Variants in CRB1 observed in about 807,000 individuals in gnomAD.
CRB1 encodes the protein protein crumbs homolog 1.
CRB1 carries 83 observed loss-of-function variants against 120.0 expected under a neutral mutation model. The observed-to-expected ratio is 0.69, with a 90% CI of 0.58 to 0.83. The LOEUF is 0.83. CRB1 is among the 40% of genes least tolerant of loss of function. The pLI is 0.00. For synonymous variants in CRB1, 625 were observed against 612.5 expected, an observed-to-expected ratio of 1.02 and a Z score of -0.30; for missense variants, 1,699 against 1,687.6, an observed-to-expected ratio of 1.01 and a Z score of -0.12.
At chr1:197,344,157 A>G (rs780446483) in intron 2 of CRB1, 124 bp from the exon 3 acceptor site, 22 of 973,710 alleles carry the variant, frequency 2.3e-5, no homozygotes, top group Non-Finnish European at 3.3e-5. Context: ...ATTAAGGGGG[A>G]AAGTTATTTT....
At chr1:197,266,490 G>A (rs544730531), upstream of CRB1, among the ~76,000 whole-genome samples, 23 of 152,240 alleles carry the variant, frequency 1.5e-4, no homozygotes, top group Middle Eastern at 3.4e-3. Context: ...AATTTGGGAA[G>A]GGGGGAAAAC....
At chr1:197,221,542 G>A in the CRB1 span, among the ~76,000 whole-genome samples, 1 of 152,082 alleles carries the variant, frequency 6.6e-6, no homozygotes, top group Non-Finnish European at 1.5e-5. Flanking sequence ...TTTTTACACT[G>A]ACAAAAAGCA....
Position 197,308,117 on chromosome 1 carries a change from A to G in CRB1, c.71-20305A>G, listed in dbSNP as rs554673762. 3.3e-5 allele frequency among the ~76,000 whole-genome samples: 5 copies of G among 152,340 alleles called. No individual in the cohort carries two copies. The South Asian group carries it at 1.0e-3, about 32-fold the overall frequency. ...AATACTACACAGCCATTAAAAATGA[A>G]ATCACGTTATTTGCAGCAACATGGA... On this transcript the variant is annotated intron_variant, in intron 1 of 11. Coordinates refer to ENST00000367400, the MANE Select transcript of CRB1 (RefSeq NM_201253.3).
chr1:197,363,827 A>G (rs968950085), intron 5 of CRB1: 27 of 807,450 alleles, frequency 3.3e-5, no homozygotes, highest in Non-Finnish European at 5.1e-5. Flanking sequence ...ATGGCAAAAC[A>G]TCTGAAGTTC....
intron 11 of CRB1, among the ~76,000 whole-genome samples, chr1:197,458,459 C>A (rs879874229): frequency 6.6e-6 from 1 of 152,032 alleles, no homozygotes; most frequent in Non-Finnish European, 1.5e-5. Context: ...TTTATGCTGT[C>A]CACTCCCACC....
At chr1:197,463,699 G>A (rs1666629710) in intron 11 of CRB1, among the ~76,000 whole-genome samples, 1 of 152,114 alleles carries the variant, frequency 6.6e-6, no homozygotes, top group African/African-American at 2.4e-5. Context: ...ATTAGATTGT[G>A]GTGAAAATTA....
intron 7 of CRB1, chr1:197,428,914 A>G: frequency 6.7e-7 from 1 of 1,493,706 alleles, no homozygotes; most frequent in Non-Finnish European, 8.9e-7. Flanking sequence ...TTTCATTTTG[A>G]ATACTTTTTG....
chr1:197,331,070 T>G (rs1271745156), intron 2 of CRB1, among the ~76,000 whole-genome samples: 1 of 151,710 alleles, frequency 6.6e-6, no homozygotes, highest in African/African-American at 2.4e-5. Flanking sequence ...TAGTCGCAGC[T>G]ACTCATGAAC....
intron 1 of CRB1, among the ~76,000 whole-genome samples, chr1:197,321,930 G>T (rs1303164113): frequency 6.6e-6 from 1 of 152,114 alleles, no homozygotes; most frequent in Non-Finnish European, 1.5e-5. Flanking sequence ...ACTATAAGAA[G>T]AATGTCATAA....
chr1:197,243,573 G>T, the CRB1 span, among the ~76,000 whole-genome samples: 3 of 152,252 alleles, frequency 2.0e-5, no homozygotes, highest in Admixed American at 2.0e-4. Flanking sequence ...TGCATTTGCT[G>T]AGGAGTGTTT....
chr1:197,313,396 A>C (rs1657663387), intron 1 of CRB1, among the ~76,000 whole-genome samples: 1 of 152,224 alleles, frequency 6.6e-6, no homozygotes, highest in African/African-American at 2.4e-5. Flanking sequence ...GTAATGATCA[A>C]ATTAGGCCAA....
At position 197,473,661 on chromosome 1, in the gene CRB1, G is replaced by C. The variant is rs533901016; in HGVS notation, c.4006-4003G>C. Among the ~76,000 whole-genome samples, 360 of 151,870 alleles carry C rather than the reference G, an allele frequency of 2.4e-3. 7 individuals are homozygous for C. Among genetic ancestry groups the C allele is most frequent in the Non-Finnish European group, 5.4e-4 (37 of 67,984 alleles). On this transcript the variant is annotated intron_variant, in intron 11 of 11. Coordinates refer to ENST00000367400, the MANE Select transcript of CRB1 (RefSeq NM_201253.3). Reference sequence around the variant, plus strand: ...CTACATTATATTTATAATTAATTTGGGGTATGTCTTTTCAGGAAAAGGTTA... The same window carrying C: ...CTACATTATATTTATAATTAATTTGCGGTATGTCTTTTCAGGAAAAGGTTA...
At chr1:197,390,335 G>C (rs1004511371) in intron 5 of CRB1, among the ~76,000 whole-genome samples, 5 of 151,980 alleles carry the variant, frequency 3.3e-5, no homozygotes, top group African/African-American at 1.2e-4. Context: ...GCTCAGAGGA[G>C]GTAAATGGAT....
chr1:197,428,046 TTTTAC>T (rs1402104886), intron 7 of CRB1, 45 bp downstream of exon 7: 3 of 1,537,004 alleles, frequency 2.0e-6, no homozygotes, highest in Non-Finnish European at 2.7e-6. Context: ...TATGCTAAAC[TTTTAC>T]TTTATTAAAA....
chr1:197,414,765 T>G (rs1321590847), intron 5 of CRB1, among the ~76,000 whole-genome samples: 1 of 152,214 alleles, frequency 6.6e-6, no homozygotes, highest in African/African-American at 2.4e-5. Context: ...GATCTTGTTC[T>G]TTGCCCAGCT....
rs780630072 is a variant in CRB1 at position 197,328,882 on chromosome 1, A to T, written c.531A>T (p.Gly177=). 6.2e-7 allele frequency: 1 copy of T among 1,614,226 alleles called. No homozygotes were observed. Residue 177 remains glycine, a synonymous_variant, in exon 2 of 12, where the codon GGA becomes GGT. Coordinates refer to ENST00000367400, the MANE Select transcript of CRB1 (RefSeq NM_201253.3). ...GTTACTCCTGCTTCTGTGTCCCAGG[A>T]TATCAAGGCAGACACTGCGACTTGG... ...IDGYSCFCVP[G]YQGRHCDLEV...
chr1:197,219,643 A>C, the CRB1 span, among the ~76,000 whole-genome samples: 1 of 152,254 alleles, frequency 6.6e-6, no homozygotes, highest in African/African-American at 2.4e-5. Context: ...TTTCAAATGC[A>C]AATATCCTCA....
chr1:197,390,898 A>G (rs1220849625), intron 5 of CRB1, among the ~76,000 whole-genome samples: 1 of 152,108 alleles, frequency 6.6e-6, no homozygotes, highest in Non-Finnish European at 1.5e-5. Context: ...TATAATAGGC[A>G]TTAATAAGGT....
the CRB1 span, among the ~76,000 whole-genome samples, chr1:197,227,995 G>C: frequency 6.6e-6 from 1 of 152,136 alleles, no homozygotes; most frequent in Admixed American, 6.5e-5. Flanking sequence ...GCTGTACCTT[G>C]GCCCCTTTTA....
Sources: allele counts gnomAD v4.1 joint callset (sites outside exome capture counted in the v4.1 genomes callset), GRCh38; gene constraint gnomAD v4.1.1; transcripts MANE v1.5; gene names NCBI Gene and HGNC (gene_info 2026-07-23, HGNC 2026-07-21).